Variants in RASAL2 observed in about 807,000 individuals in gnomAD.
RASAL2 encodes RAS protein activator like 2.
A neutral mutation model predicts 128.9 loss-of-function variants in RASAL2; 58 were observed. The observed-to-expected ratio is 0.45, with a 90% CI of 0.36 to 0.56. RASAL2 has a LOEUF of 0.56. Ranked by LOEUF, RASAL2 falls within the 20% of genes least tolerant of loss-of-function variation. The pLI is 0.00. For synonymous variants in RASAL2, 561 were observed against 580.8 expected (o/e 0.97, Z 0.49); for missense variants, 1,360 against 1,601.6 (o/e 0.85, Z 2.57).
intron 3 of RASAL2, among the ~76,000 whole-genome samples, chr1:178,301,863 A>G (rs1019389984): frequency 1.2e-4 from 19 of 152,204 alleles, no homozygotes; most frequent in Admixed American, 5.9e-4. Flanking sequence ...AGAGAACTAT[A>G]TAGGAAATTG....
At chr1:178,164,437 T>C (rs769025897) in intron 1 of RASAL2, among the ~76,000 whole-genome samples, 8 of 152,056 alleles carry the variant, frequency 5.3e-5, no homozygotes, top group Admixed American at 3.9e-4. Flanking sequence ...GAAATGTATT[T>C]AATTTTTAAG....
intron 3 of RASAL2, among the ~76,000 whole-genome samples, chr1:178,303,663 G>A (rs1029925900): frequency 6.6e-6 from 1 of 151,898 alleles, no homozygotes; most frequent in African/African-American, 2.4e-5. Context: ...TAAGAATTCT[G>A]TCAATCAGTA....
intron 1 of RASAL2, among the ~76,000 whole-genome samples, chr1:178,182,755 T>C (rs1329396032): frequency 1.3e-5 from 2 of 151,810 alleles, no homozygotes; most frequent in Admixed American, 1.3e-4. Context: ...TTTTCAGAAT[T>C]GTTAATCCAT....
chr1:178,256,098 AG>A, intron 1 of RASAL2, among the ~76,000 whole-genome samples: 1 of 152,326 alleles, frequency 6.6e-6, no homozygotes, highest in African/African-American at 2.4e-5. Context: ...TTAGAAATAG[AG>A]GGGCATCCTC....
chr1:178,206,962 C>T (rs751497615), intron 1 of RASAL2, among the ~76,000 whole-genome samples: 3 of 151,888 alleles, frequency 2.0e-5, no homozygotes, highest in East Asian at 3.9e-4. Flanking sequence ...ATTGCTTAAG[C>T]TTAGGAGTTC....
Position 178,395,793 on chromosome 1 carries a change from T to TATATATATATA in RASAL2, c.564+5587_564+5588insATATATATATA, listed in dbSNP as rs879578177. On this transcript the variant is annotated intron_variant, in intron 4 of 17. Transcript: ENST00000367649. ...ACAGTATATATATATATATATATAT[T>TATATATATATA]TATTTATTCATATGTGTATGAATGT... 8.2e-3 allele frequency among the ~76,000 whole-genome samples: 1,017 copies of TATATATATATA among 124,360 alleles called. 35 individuals carry two copies. Among genetic ancestry groups the TATATATATATA allele is most frequent in the African/African-American group, 0.022 (609 of 28,142 alleles). 81.6% of individuals were successfully genotyped at this position (124,360 alleles called of 152,430 possible). A position where few individuals can be genotyped will look rare whatever the true frequency, so the allele number is the denominator to read the frequency against.
At chr1:178,295,614 C>T (rs1221815394) in intron 2 of RASAL2, among the ~76,000 whole-genome samples, 1 of 152,110 alleles carries the variant, frequency 6.6e-6, no homozygotes, top group African/African-American at 2.4e-5. Flanking sequence ...CCTTAGTGAG[C>T]ATCAGAATCA....
chr1:178,438,345 A>C (rs1392486042), intron 5 of RASAL2, among the ~76,000 whole-genome samples: 1 of 152,072 alleles, frequency 6.6e-6, no homozygotes, highest in Non-Finnish European at 1.5e-5. Context: ...TGGTTATTTC[A>C]AGGAATTAAA....
At chr1:178,195,443 C>T (rs973089545) in intron 1 of RASAL2, among the ~76,000 whole-genome samples, 1 of 152,114 alleles carries the variant, frequency 6.6e-6, no homozygotes, top group African/African-American at 2.4e-5. Flanking sequence ...CTAAATATTG[C>T]TGTACCACTT....
intron 1 of RASAL2, among the ~76,000 whole-genome samples, chr1:178,277,935 C>T (rs1274505220): frequency 6.6e-6 from 1 of 152,232 alleles, no homozygotes; most frequent in East Asian, 1.9e-4. Context: ...ACAGTCTCAC[C>T]AATGCAACAC....
At chr1:178,280,694 G>A (rs973105406) in intron 1 of RASAL2, among the ~76,000 whole-genome samples, 1 of 152,062 alleles carries the variant, frequency 6.6e-6, no homozygotes, top group Non-Finnish European at 1.5e-5. Flanking sequence ...AATGAGGCCA[G>A]CATTCATTGT....
intron 3 of RASAL2, among the ~76,000 whole-genome samples, chr1:178,300,723 A>G (rs1667728274): frequency 1.3e-5 from 2 of 152,230 alleles, no homozygotes; most frequent in Admixed American, 6.5e-5. Flanking sequence ...CAAAGCAGCT[A>G]GCTCTTCTCC....
chr1:178,464,543 C>T, intron 15 of RASAL2, 131 bp downstream of exon 15: 1 of 970,964 alleles, frequency 1.0e-6, no homozygotes, highest in Non-Finnish European at 1.5e-6. Context: ...TCATCCTATA[C>T]ATATCTATGT....
intron 1 of RASAL2, among the ~76,000 whole-genome samples, chr1:178,164,821 GTT>G (rs1236847582): frequency 8.8e-6 from 1 of 113,046 alleles, no homozygotes; most frequent in African/African-American, 3.6e-5. Context: ...TTCATCAAAC[GTT>G]TGTGTGTGTG....
intron 5 of RASAL2, among the ~76,000 whole-genome samples, chr1:178,429,611 T>G (rs1458089579): frequency 2.0e-5 from 3 of 152,146 alleles, no homozygotes; most frequent in Non-Finnish European, 4.4e-5. Flanking sequence ...GCAATTTTCA[T>G]ATCTCATTGC....
intron 3 of RASAL2, among the ~76,000 whole-genome samples, chr1:178,352,725 T>TTC (rs748593829): frequency 6.6e-6 from 1 of 152,214 alleles, no homozygotes; most frequent in Non-Finnish European, 1.5e-5. Context: ...TGCATTAGGC[T>TTC]TCTGTCTGGA....
chr1:178,309,784 A>G (rs944752471), intron 3 of RASAL2, among the ~76,000 whole-genome samples: 25 of 152,226 alleles, frequency 1.6e-4, no homozygotes, highest in African/African-American at 5.8e-4. Flanking sequence ...TAATGAATAT[A>G]GCACTTTACC....
intron 1 of RASAL2, among the ~76,000 whole-genome samples, chr1:178,216,147 G>T (rs1663413835): frequency 6.6e-6 from 1 of 152,138 alleles, no homozygotes; most frequent in Non-Finnish European, 1.5e-5. Context: ...TACAGTTACA[G>T]AATTTTCTAG....
intron 3 of RASAL2, among the ~76,000 whole-genome samples, chr1:178,331,053 A>G (rs913947346): frequency 6.6e-6 from 1 of 152,232 alleles, no homozygotes; most frequent in Non-Finnish European, 1.5e-5. Context: ...TGTCCAAGAC[A>G]CCATAAGTAG....
Sources: allele counts gnomAD v4.1 joint callset (sites outside exome capture counted in the v4.1 genomes callset), GRCh38; gene constraint gnomAD v4.1.1; transcripts MANE v1.5; gene names NCBI Gene and HGNC (gene_info 2026-07-23, HGNC 2026-07-21).